The following MSRB3 variants were observed in gnomAD, a reference collection of about 807,000 sequenced individuals.
MSRB3 encodes the protein methionine sulfoxide reductase B3.
In MSRB3, 13 loss-of-function variants were observed where a neutral mutation model predicts 21.0. The observed-to-expected ratio is 0.62, with a 90% CI of 0.40 to 0.98. The LOEUF is 0.98. Ranked by LOEUF, MSRB3 falls within the 50% of genes least tolerant of loss-of-function variation. The pLI is 0.00. For missense variants in MSRB3, 199 were observed against 230.3 expected, an observed-to-expected ratio of 0.86 and a Z score of 0.88; for synonymous variants, 87 against 88.6, an observed-to-expected ratio of 0.98 and a Z score of 0.10.
intron 5 of MSRB3, among the ~76,000 whole-genome samples, chr12:65,392,760 A>G (rs573229633): frequency 2.0e-5 from 3 of 152,288 alleles, no homozygotes; most frequent in African/African-American, 7.2e-5. Flanking sequence ...ACTTTCTCCA[A>G]GATTCCTCAA....
intron 2 of MSRB3, chr12:65,315,953 CAT>C (rs1295003503): frequency 1.3e-5 from 2 of 152,236 alleles, no homozygotes; most frequent in East Asian, 3.9e-4. Context: ...TGCAGAAATA[CAT>C]GTTAGCGCAG....
intron 2 of MSRB3, among the ~76,000 whole-genome samples, chr12:65,318,135 A>G (rs968857477): frequency 6.6e-6 from 1 of 152,046 alleles, no homozygotes; most frequent in African/African-American, 2.4e-5. Flanking sequence ...TCTGGAATAT[A>G]TAGATTCAGA....
intron 2 of MSRB3, among the ~76,000 whole-genome samples, chr12:65,310,983 A>T (rs1041590024): frequency 6.6e-6 from 1 of 152,222 alleles, no homozygotes; most frequent in East Asian, 1.9e-4. Context: ...TAAACACCAT[A>T]TATGTCTTCA....
At chr12:65,412,126 CAT>C (rs1695852151) in intron 5 of MSRB3, among the ~76,000 whole-genome samples, 1 of 152,124 alleles carries the variant, frequency 6.6e-6, no homozygotes, top group Non-Finnish European at 1.5e-5. Flanking sequence ...TTTTTAATTT[CAT>C]AGTTATTTCT....
At chr12:65,295,105 C>T (rs1252621060) in intron 1 of MSRB3, among the ~76,000 whole-genome samples, 4 of 152,234 alleles carry the variant, frequency 2.6e-5, no homozygotes, top group Admixed American at 1.3e-4. Context: ...GCTGAGATTA[C>T]AGGCGTGAGC....
chr12:65,300,771 T>A (rs143541587), intron 1 of MSRB3, among the ~76,000 whole-genome samples: 5 of 152,288 alleles, frequency 3.3e-5, no homozygotes, highest in African/African-American at 1.2e-4. Context: ...AGAATTGTGA[T>A]TAATGGAGCA....
At chr12:65,368,171 A>T (rs1878120747) in intron 4 of MSRB3, among the ~76,000 whole-genome samples, 1 of 152,156 alleles carries the variant, frequency 6.6e-6, no homozygotes, top group Non-Finnish European at 1.5e-5. Context: ...CAGGAAAAAA[A>T]AGTCTTGTCT....
intron 4 of MSRB3, among the ~76,000 whole-genome samples, chr12:65,353,172 G>C (rs2136500579): frequency 6.6e-6 from 1 of 152,248 alleles, no homozygotes. Context: ...GAATAGGCGT[G>C]GTGTGGTGCT....
At chr12:65,427,645 T>C (rs943815695) in intron 5 of MSRB3, among the ~76,000 whole-genome samples, 1 of 152,192 alleles carries the variant, frequency 6.6e-6, no homozygotes, top group African/African-American at 2.4e-5. Flanking sequence ...AATATGGCTC[T>C]GGGCTCTGGG....
In MSRB3 at chr12:65,465,615, A is replaced by C. The variant is rs566625815; in HGVS notation, c.*2293A>C. The C allele has an allele frequency of 2.0e-5, 3 of 152,250 alleles. No individual in the cohort carries two copies. The highest frequency in any genetic ancestry group is 4.8e-5 in the African/African-American group (2 of 41,538). 9.4% of individuals were successfully genotyped at this position (152,250 alleles called of 1,614,324 possible). On this transcript the variant is annotated 3_prime_UTR_variant, in exon 7 of 7. Transcript: ENST00000308259. ...TTTATAGTCATGTACACTTGATTCC[A>C]GATGAGCTCTGGTCTTATCTGGATG... is the stretch of plus-strand genomic sequence containing the variant.
chr12:65,365,995 G>A (rs1443592396), intron 4 of MSRB3, among the ~76,000 whole-genome samples: 1 of 151,990 alleles, frequency 6.6e-6, no homozygotes, highest in African/African-American at 2.4e-5. Context: ...TTTCATTTCT[G>A]CCAGAGGCTC....
rs1436060490 is a variant in MSRB3 at position 65,463,427 on chromosome 12, G to C, written c.*105G>C. On this transcript the variant is annotated 3_prime_UTR_variant, in exon 7 of 7. Coordinates refer to ENST00000308259, the MANE Select transcript of MSRB3 (RefSeq NM_001031679.3). Reference sequence around the variant, plus strand: ...TATTTTTTCAAAAACTATAAGGGCAGTTTTGTGCTATTGATATTTTTTCTT... The same window carrying C: ...TATTTTTTCAAAAACTATAAGGGCACTTTTGTGCTATTGATATTTTTTCTT... The C allele has an allele frequency of 7.4e-7, 1 of 1,353,286 alleles. No individual in the cohort carries two copies. The highest frequency in any genetic ancestry group is 1.5e-5 in the African/African-American group (1 of 68,182). 83.8% of individuals were successfully genotyped at this position (1,353,286 alleles called of 1,614,324 possible). A position where few individuals can be genotyped will look rare whatever the true frequency, so the allele number is the denominator to read the frequency against.
chr12:65,431,207 G>T (rs1326128453), intron 5 of MSRB3, among the ~76,000 whole-genome samples: 1 of 152,042 alleles, frequency 6.6e-6, no homozygotes, highest in Non-Finnish European at 1.5e-5. Context: ...CCTGAGGCCT[G>T]CATGTAATAC....
chr12:65,307,453 T>A (rs1396212398), intron 1 of MSRB3, among the ~76,000 whole-genome samples: 1 of 152,128 alleles, frequency 6.6e-6, no homozygotes, highest in African/African-American at 2.4e-5. Context: ...CGGAACAGAC[T>A]TTTTTTGGGG....
At chr12:65,415,620 C>T (rs530503791) in intron 5 of MSRB3, among the ~76,000 whole-genome samples, 18 of 152,166 alleles carry the variant, frequency 1.2e-4, no homozygotes, top group Non-Finnish European at 2.5e-4. Flanking sequence ...AATGAAATTT[C>T]TGCTGGTCTT....
intron 5 of MSRB3, among the ~76,000 whole-genome samples, chr12:65,377,213 C>T (rs1284023597): frequency 6.6e-6 from 1 of 151,746 alleles, no homozygotes; most frequent in East Asian, 1.9e-4. Flanking sequence ...TGGATCTTTT[C>T]TCTCTCTCCA....
intron 4 of MSRB3, among the ~76,000 whole-genome samples, chr12:65,360,501 T>C (rs747814898): frequency 1.3e-5 from 2 of 152,082 alleles, no homozygotes; most frequent in Non-Finnish European, 2.9e-5. Context: ...AAAAATGGCC[T>C]TACAAATTAT....
intron 4 of MSRB3, among the ~76,000 whole-genome samples, chr12:65,338,942 C>T (rs1042884432): frequency 3.3e-5 from 5 of 151,886 alleles, no homozygotes; most frequent in African/African-American, 9.7e-5. Context: ...CCAGGTGTGG[C>T]GGCATGCACC....
intron 5 of MSRB3, among the ~76,000 whole-genome samples, chr12:65,395,597 T>C (rs187742371): frequency 2.2e-4 from 33 of 152,394 alleles, no homozygotes; most frequent in Admixed American, 2.0e-3. Context: ...CATTAATTTC[T>C]TAAATTTGTG....
Sources: allele counts gnomAD v4.1 joint callset (sites outside exome capture counted in the v4.1 genomes callset), GRCh38; gene constraint gnomAD v4.1.1; transcripts MANE v1.5; gene names NCBI Gene and HGNC (gene_info 2026-07-23, HGNC 2026-07-21).